The following WDR48 variants were observed in gnomAD, a reference collection of about 807,000 sequenced individuals.
The protein encoded by WDR48 is WD repeat-containing protein 48.
A neutral mutation model predicts 94.0 loss-of-function variants in WDR48; 22 were observed. That is an observed-to-expected ratio of 0.23 (90% CI 0.17 to 0.33). The LOEUF (loss-of-function observed/expected upper bound fraction) is 0.33. Among genes scored for constraint, WDR48 ranks in the 10% least tolerant of loss-of-function variants. The pLI, the probability that WDR48 is intolerant of heterozygous loss-of-function variation, is 1.00. For synonymous variants in WDR48, 278 were observed against 280.5 expected (o/e 0.99, Z 0.09); for missense variants, 541 against 813.8 (o/e 0.66, Z 4.08).
At chr3:39,058,827 A>T (rs187393389) in intron 1 of WDR48, among the ~76,000 whole-genome samples, 1 of 152,334 alleles carries the variant, frequency 6.6e-6, no homozygotes, top group East Asian at 1.9e-4. Flanking sequence ...CTGTAATCCC[A>T]GCATTTTGGG....
At chr3:39,074,511 T>A (rs13327144) in intron 7 of WDR48, among the ~76,000 whole-genome samples, 10,586 of 152,250 alleles carry the variant, frequency 0.07, 1,179 homozygotes, top group African/African-American at 0.23. Context: ...ACTACCCTAA[T>A]TACATATTTG....
intron 9 of WDR48, 126 bp from the exon 10 acceptor site, chr3:39,078,011 C>T (rs1255941671): frequency 1.9e-5 from 12 of 627,558 alleles, no homozygotes; most frequent in Non-Finnish European, 3.1e-5. Flanking sequence ...AAATATTTTT[C>T]GGTTGATGTA....
intron 17 of WDR48, among the ~76,000 whole-genome samples, chr3:39,092,254 GT>G (rs2035114274): frequency 6.6e-6 from 1 of 152,166 alleles, no homozygotes; most frequent in African/African-American, 2.4e-5. Flanking sequence ...TATAATAGTT[GT>G]TTTTATGGAT....
At chr3:39,056,228 G>GA (rs1176904810) in intron 1 of WDR48, among the ~76,000 whole-genome samples, 1 of 151,836 alleles carries the variant, frequency 6.6e-6, no homozygotes, top group South Asian at 2.1e-4. Flanking sequence ...AATTTGCTTT[G>GA]AAAAAACCTC....
intron 1 of WDR48, among the ~76,000 whole-genome samples, chr3:39,060,237 C>G (rs1028294627): frequency 1.3e-5 from 2 of 151,772 alleles, no homozygotes; most frequent in African/African-American, 4.8e-5. Context: ...TTCATTTTTC[C>G]CTCCTTCAAT....
chr3:39,056,278 G>A (rs2032881554), intron 1 of WDR48, among the ~76,000 whole-genome samples: 1 of 152,164 alleles, frequency 6.6e-6, no homozygotes, highest in Non-Finnish European at 1.5e-5. Context: ...AAAAATAAAT[G>A]AAAGGACAAA....
At chr3:39,082,523 G>A (rs2034592198) in intron 11 of WDR48, among the ~76,000 whole-genome samples, 1 of 152,034 alleles carries the variant, frequency 6.6e-6, no homozygotes, top group African/African-American at 2.4e-5. Flanking sequence ...CTCATGATCT[G>A]CCCGTCTTGG....
chr3:39,068,074 G>A (rs2033715725), intron 5 of WDR48, among the ~76,000 whole-genome samples: 1 of 151,816 alleles, frequency 6.6e-6, no homozygotes, highest in South Asian at 2.1e-4. Context: ...GAGTTGTTTA[G>A]AGAGGATATC....
intron 17 of WDR48, among the ~76,000 whole-genome samples, chr3:39,093,205 G>C (rs1192274937): frequency 2.0e-5 from 3 of 152,208 alleles, no homozygotes; most frequent in African/African-American, 7.2e-5. Context: ...AGGCATGGCA[G>C]TGGGGAGGAG....
chr3:39,075,340 G>A (rs74997754), intron 8 of WDR48, among the ~76,000 whole-genome samples: 6,481 of 152,122 alleles, frequency 0.043, 172 homozygotes, highest in Middle Eastern at 0.061. Context: ...TGGCTTTCCT[G>A]AGCAGTCCTT....
At chr3:39,074,479 G>A (rs554334148) in intron 7 of WDR48, among the ~76,000 whole-genome samples, 1 of 152,342 alleles carries the variant, frequency 6.6e-6, no homozygotes, top group Admixed American at 6.5e-5. Context: ...TTTACTTGCA[G>A]ATTAGTGAAT....
At chr3:39,094,529 A>G (rs749821391) in intron 18 of WDR48, 119 bp from the exon 19 acceptor site, 37 of 1,543,590 alleles carry the variant, frequency 2.4e-5, no homozygotes, top group Non-Finnish European at 2.8e-5. Flanking sequence ...CAAGAATTGG[A>G]TACCAGGCAT....
At chr3:39,057,334 A>T (rs1559594806) in intron 1 of WDR48, among the ~76,000 whole-genome samples, 1 of 152,208 alleles carries the variant, frequency 6.6e-6, no homozygotes. Flanking sequence ...AGAGAAATGC[A>T]GTTAACTATC....
At position 39,066,647 on chromosome 3, in the gene WDR48, C is replaced by T. The variant is rs1559604209; in HGVS notation, c.351+17C>T. On this transcript the variant is annotated intron_variant, in intron 4 of 18. Transcript: ENST00000302313. ...ACACATAAGGTAAAACAATACAGTT[C>T]TCAGTGTCTTTAGTGTAATATTGGG... 1 of 1,613,466 alleles carries T rather than the reference C, an allele frequency of 6.2e-7. No homozygotes were observed. Among genetic ancestry groups the T allele is most frequent in the Admixed American group, 1.7e-5 (1 of 59,984 alleles).
At chr3:39,079,508 TTGAA>T (rs1489974843) in intron 10 of WDR48, among the ~76,000 whole-genome samples, 199 bp from the exon 11 acceptor site, 1 of 152,216 alleles carries the variant, frequency 6.6e-6, no homozygotes, top group Non-Finnish European at 1.5e-5. Context: ...TAGTTTTTCT[TTGAA>T]TGTTTATAAA....
At chr3:39,084,287 T>C in intron 12 of WDR48, 25 bp downstream of exon 12, 1 of 1,488,264 alleles carries the variant, frequency 6.7e-7, no homozygotes, top group South Asian at 1.2e-5. Flanking sequence ...GATACTTGTA[T>C]GATTTGGGAT....
chr3:39,085,161 A>G (rs2034747575), intron 13 of WDR48, among the ~76,000 whole-genome samples: 1 of 151,934 alleles, frequency 6.6e-6, no homozygotes, highest in African/African-American at 2.4e-5. Flanking sequence ...CGGGAGGCGG[A>G]GCTTGCAGTG....
chr3:39,066,362 A>G (rs2033610703), intron 3 of WDR48, among the ~76,000 whole-genome samples, 186 bp from the exon 4 acceptor site: 1 of 152,196 alleles, frequency 6.6e-6, no homozygotes, highest in African/African-American at 2.4e-5. Context: ...TTCTTTGAAC[A>G]TGTGTCTTGA....
rs746718930 is a variant in WDR48, at chr3:39,063,160, C to A, written c.159C>A (p.Ile53=). ...TTTTCACAGCCGGTCGAGACTCTAT[C>A]ATAAGAATATGGAGTGTCAATCAGC... The part of the protein sequence containing the change: ...NRLFTAGRDS[I]IRIWSVNQHK... The change falls in exon 2 of 19, where the codon ATC becomes ATA. Residue 53 remains isoleucine (I), a synonymous_variant. Transcript: ENST00000302313. The A allele has an allele frequency of 1.2e-6, 2 of 1,614,092 alleles. No homozygotes were observed. Among genetic ancestry groups the A allele is most frequent in the South Asian group, 2.2e-5 (2 of 91,086 alleles).
Sources: allele counts gnomAD v4.1 joint callset (sites outside exome capture counted in the v4.1 genomes callset), GRCh38; gene constraint gnomAD v4.1.1; transcripts MANE v1.5; gene names NCBI Gene and HGNC (gene_info 2026-07-23, HGNC 2026-07-21).